Variants in FMN1 observed in about 807,000 individuals in gnomAD.
FMN1 encodes formin 1.
Under a neutral mutation model 132.4 loss-of-function variants are expected in FMN1, and 110 were observed. The ratio of observed to expected loss-of-function variants is 0.83; its 90% CI spans 0.71 to 0.97. The LOEUF (loss-of-function observed/expected upper bound fraction) is 0.97, where lower values mean the gene tolerates loss of function less well. Among genes scored for constraint, FMN1 ranks in the 50% least tolerant of loss-of-function variants. The pLI is 0.00. For synonymous variants in FMN1, 722 were observed against 651.7 expected, an observed-to-expected ratio of 1.11 and a Z score of -1.64; for missense variants, 1,792 against 1,705.3, an observed-to-expected ratio of 1.05 and a Z score of -0.90.
chr15:33,037,750 T>C (rs767319672), intron 6 of FMN1, among the ~76,000 whole-genome samples: 41 of 152,380 alleles, frequency 2.7e-4, no homozygotes, highest in Middle Eastern at 3.4e-3. Context: ...GTGATTCGGA[T>C]ACAGTATTTT....
chr15:33,077,164 G>C (rs1401143882), intron 5 of FMN1, among the ~76,000 whole-genome samples: 1 of 152,034 alleles, frequency 6.6e-6, no homozygotes, highest in Non-Finnish European at 1.5e-5. Flanking sequence ...GAGTAGCTGG[G>C]ACCACACGTG....
Position 33,070,154 on chromosome 15 carries a change from C to A in FMN1, c.2044-5080G>T, listed in dbSNP as rs1327407969. The stretch of plus-strand genomic sequence containing the variant: ...CTGAGTAGCTGGAATTACAGGAATG[C>A]GCTAGCACACCCGGCTAATTTTGTA... On this transcript the variant is annotated intron_variant, in intron 5 of 20. Transcript: ENST00000616417. 5.9e-5 allele frequency among the ~76,000 whole-genome samples: 9 copies of A among 151,584 alleles called. No homozygotes were observed. In the South Asian group the frequency reaches 1.0e-3, roughly 18 times the overall value.
At chr15:32,895,550 A>G (rs2060133516) in intron 15 of FMN1, among the ~76,000 whole-genome samples, 1 of 152,132 alleles carries the variant, frequency 6.6e-6, no homozygotes, top group African/African-American at 2.4e-5. Flanking sequence ...GGCAGGCTAA[A>G]TATGAGTCCC....
At chr15:33,150,894 T>C in intron 4 of FMN1, 12 of 1,010,274 alleles carry the variant, frequency 1.2e-5, no homozygotes, top group Non-Finnish European at 1.3e-5. Context: ...TGTAGTGTGA[T>C]GGTAAATGAA....
intron 7 of FMN1, among the ~76,000 whole-genome samples, chr15:33,004,110 A>T (rs550511122): frequency 0.016 from 2,437 of 152,190 alleles, 62 homozygotes; most frequent in African/African-American, 0.053. Flanking sequence ...AACCTAGGCA[A>T]TACCATTCAG....
intron 5 of FMN1, among the ~76,000 whole-genome samples, chr15:33,065,402 T>C (rs563779860): frequency 4.1e-4 from 63 of 152,320 alleles, no homozygotes; most frequent in African/African-American, 1.5e-3. Flanking sequence ...ATAAATGTAC[T>C]ACACTGATGT....
chr15:33,013,969 G>A (rs932812604), intron 6 of FMN1, among the ~76,000 whole-genome samples: 1 of 152,170 alleles, frequency 6.6e-6, no homozygotes, highest in South Asian at 2.1e-4. Flanking sequence ...TTAACAAACC[G>A]ATGAAGGAGA....
At chr15:32,936,133 T>A (rs12899881) in intron 9 of FMN1, among the ~76,000 whole-genome samples, 51,542 of 152,130 alleles carry the variant, frequency 0.34, 9,073 homozygotes, top group African/African-American at 0.39. Flanking sequence ...ATTTTGTTCA[T>A]GTATCTTTTT....
At chr15:32,855,925 C>T (rs1355409242) in intron 17 of FMN1, among the ~76,000 whole-genome samples, 1 of 151,534 alleles carries the variant, frequency 6.6e-6, no homozygotes, top group Non-Finnish European at 1.5e-5. Context: ...CAAGATGGTA[C>T]TTTGTCTGAC....
chr15:33,010,576 G>A (rs1420615210), intron 6 of FMN1, among the ~76,000 whole-genome samples: 1 of 151,872 alleles, frequency 6.6e-6, no homozygotes, highest in Admixed American at 6.6e-5. Context: ...TTTTTCTACT[G>A]CTACTAGCAG....
intron 4 of FMN1, among the ~76,000 whole-genome samples, chr15:33,124,182 G>C (rs889553611): frequency 2.0e-5 from 3 of 150,406 alleles, no homozygotes; most frequent in African/African-American, 7.6e-5. Context: ...AGAGTGCAAA[G>C]GGTGAGACGT....
intron 17 of FMN1, among the ~76,000 whole-genome samples, chr15:32,853,525 C>T (rs2059056918): frequency 1.3e-5 from 2 of 152,106 alleles, no homozygotes; most frequent in Admixed American, 1.3e-4. Flanking sequence ...GTGAATAGTG[C>T]CTATCTGTGG....
At chr15:32,776,967 A>AG (rs2056440318) in intron 19 of FMN1, 48 bp from the exon 20 acceptor site, 12 of 1,137,510 alleles carry the variant, frequency 1.1e-5, no homozygotes, top group Middle Eastern at 1.9e-4. Context: ...AAAAGAAAGG[A>AG]AGAGGGAAAA....
At chr15:33,148,888 C>A (rs1184349800) in intron 4 of FMN1, among the ~76,000 whole-genome samples, 1 of 152,060 alleles carries the variant, frequency 6.6e-6, no homozygotes, top group Non-Finnish European at 1.5e-5. Flanking sequence ...ATGATATATT[C>A]TCAATGCTAA....
At chr15:33,003,616 G>A (rs192711492) in intron 7 of FMN1, among the ~76,000 whole-genome samples, 238 of 152,254 alleles carry the variant, frequency 1.6e-3, no homozygotes, top group African/African-American at 5.5e-3. Context: ...TGGCCATACT[G>A]CCCAAGGTAA....
At chr15:33,020,499 T>G (rs2141013891) in intron 6 of FMN1, among the ~76,000 whole-genome samples, 1 of 152,150 alleles carries the variant, frequency 6.6e-6, no homozygotes, top group South Asian at 2.1e-4. Flanking sequence ...ATACAAAAAG[T>G]AGCCGGGCGT....
intron 4 of FMN1, among the ~76,000 whole-genome samples, chr15:33,149,166 A>G (rs1427840275): frequency 1.3e-5 from 2 of 151,744 alleles, no homozygotes; most frequent in African/African-American, 4.9e-5. Flanking sequence ...TTCATTCCCC[A>G]CCTCCACTGC....
At chr15:32,948,170 C>T (rs958491265) in intron 9 of FMN1, among the ~76,000 whole-genome samples, 1 of 151,846 alleles carries the variant, frequency 6.6e-6, no homozygotes, top group Admixed American at 6.6e-5. Context: ...AAATATTTTG[C>T]CATCATCTTT....
chr15:33,049,592 C>T (rs2036871503), intron 6 of FMN1, among the ~76,000 whole-genome samples: 1 of 152,176 alleles, frequency 6.6e-6, no homozygotes, highest in Admixed American at 6.5e-5. Flanking sequence ...ATTGTTAAAT[C>T]AAGTTTAGTC....
Sources: allele counts gnomAD v4.1 joint callset (sites outside exome capture counted in the v4.1 genomes callset), GRCh38; gene constraint gnomAD v4.1.1; transcripts MANE v1.5; gene names NCBI Gene and HGNC (gene_info 2026-07-23, HGNC 2026-07-21).